MAK16: variants seen among roughly 807,000 people sequenced by gnomAD.
MAK16 encodes the protein MAK16 homolog, also known as protein MAK16 homolog.
MAK16 carries 12 observed loss-of-function variants against 49.9 expected under a neutral mutation model. The ratio of observed to expected loss-of-function variants is 0.24; its 90% confidence interval spans 0.15 to 0.39. The LOEUF (loss-of-function observed/expected upper bound fraction) is 0.39. MAK16 is among the 10% of genes least tolerant of loss of function. MAK16 has a pLI of 1.00. For missense variants in MAK16, 292 were observed against 363.7 expected (o/e 0.80, Z 1.60); for synonymous variants, 115 against 126.4 (o/e 0.91, Z 0.60).
chr8:33,488,812 C>G lies in MAK16; in HGVS notation c.240+14C>G. 6.2e-7 allele frequency: 1 copy of G among 1,613,890 alleles called. No individual in the cohort carries two copies. Among genetic ancestry groups the G allele is most frequent in the African/African-American group, 1.3e-5 (1 of 75,034 alleles). On this transcript the variant is annotated intron_variant, in intron 4 of 9. Transcript: ENST00000360128. ...CTCTGGGAACGGGTAAGCCTTACAACAAAACTACAGTGACCGCTGATCAAG... is the reference window on the plus strand; with the variant it reads ...CTCTGGGAACGGGTAAGCCTTACAAGAAAACTACAGTGACCGCTGATCAAG...
Position 33,485,232 on chromosome 8 carries a change from T to C in MAK16, c.15+11T>C, listed in dbSNP as rs1196391315. 1 of 1,614,226 alleles carries C rather than the reference T, an allele frequency of 6.2e-7. No homozygotes were observed. The highest frequency in any genetic ancestry group is 1.7e-5 in the Admixed American group (1 of 60,022). ...ATGCAGTCGGATGATGTGAGTCTCC[T>C]CCGGTTGTTCTTACACCCGGGGTTT... On this transcript the variant is annotated intron_variant, in intron 1 of 9. Coordinates refer to ENST00000360128, the MANE Select transcript of MAK16 (RefSeq NM_032509.4).
chr8:33,493,918 G>GTT (rs35536101), intron 6 of MAK16, among the ~76,000 whole-genome samples: 1 of 144,440 alleles, frequency 6.9e-6, no homozygotes, highest in Non-Finnish European at 1.5e-5. Context: ...CACAGAACAA[G>GTT]TTTTTTTTTT....
intron 9 of MAK16, among the ~76,000 whole-genome samples, 191 bp downstream of exon 9, chr8:33,497,488 A>G (rs1264267921): frequency 6.6e-6 from 1 of 151,384 alleles, no homozygotes; most frequent in Non-Finnish European, 1.5e-5. Flanking sequence ...CTCATCTCTA[A>G]TAAAAAAAAA....
chr8:33,490,200 C>A, intron 5 of MAK16, 85 bp from the exon 6 acceptor site: 2 of 1,143,438 alleles, frequency 1.7e-6, no homozygotes, highest in Non-Finnish European at 2.6e-6. Context: ...TTTTAGTCAC[C>A]AATTCCAATC....
At chr8:33,497,389 C>T (rs1000609111) in intron 9 of MAK16, 92 bp downstream of exon 9, 4 of 956,028 alleles carry the variant, frequency 4.2e-6, no homozygotes, top group Non-Finnish European at 6.4e-6. Context: ...CCGTGGTTCA[C>T]TCCTATAATT....
intron 7 of MAK16, among the ~76,000 whole-genome samples, chr8:33,495,933 C>A (rs1189872036): frequency 6.6e-6 from 1 of 151,638 alleles, no homozygotes; most frequent in African/African-American, 2.4e-5. Flanking sequence ...CCAGGCTGGT[C>A]TTGAACTCCT....
chr8:33,498,343 A>T, intron 9 of MAK16, 89 bp from the exon 10 acceptor site: 3 of 1,069,592 alleles, frequency 2.8e-6, no homozygotes, highest in Non-Finnish European at 4.1e-6. Flanking sequence ...TCAATGCCCT[A>T]GTCTGTTCTA....
At chr8:33,486,755 T>C (rs1228385042) in intron 1 of MAK16, among the ~76,000 whole-genome samples, 4 of 152,222 alleles carry the variant, frequency 2.6e-5, no homozygotes, top group African/African-American at 9.6e-5. Flanking sequence ...TTTTATTTAT[T>C]GAAGTGGGGG....
chr8:33,498,362 G>A, intron 9 of MAK16, 70 bp from the exon 10 acceptor site: 4 of 1,355,146 alleles, frequency 3.0e-6, no homozygotes, highest in African/African-American at 1.4e-5. Context: ...TAGATTGAGG[G>A]GACAAGGAAG....
intron 6 of MAK16, among the ~76,000 whole-genome samples, chr8:33,494,549 C>G (rs2676406): frequency 0.64 from 96,809 of 152,122 alleles, 31,115 homozygotes; most frequent in African/African-American, 0.68. Flanking sequence ...CAAGCCCTAT[C>G]TGCCGTATTC....
intron 6 of MAK16, among the ~76,000 whole-genome samples, chr8:33,494,013 T>C (rs2128824346): frequency 6.6e-6 from 1 of 152,340 alleles, no homozygotes; most frequent in South Asian, 2.1e-4. Flanking sequence ...TTTTTAAAAA[T>C]GTCTACTGGG....
At chr8:33,490,147 C>T (rs1308568521) in intron 5 of MAK16, 138 bp from the exon 6 acceptor site, 3 of 647,070 alleles carry the variant, frequency 4.6e-6, no homozygotes, top group Non-Finnish European at 7.9e-6. Context: ...TCCGTGAATG[C>T]CTGAAGCTCA....
At chr8:33,495,010 T>C (rs1322171957) in intron 6 of MAK16, among the ~76,000 whole-genome samples, 1 of 152,232 alleles carries the variant, frequency 6.6e-6, no homozygotes, top group African/African-American at 2.4e-5. Flanking sequence ...TATAACACTT[T>C]AAAACCCTCT....
Position 33,499,041 on chromosome 8 carries a change from AAAGG to A in MAK16, c.*423_*426del. ...TCCCTATTCTTATGGAGGTAAAAGG[AAAGG>A]AAGGAAGGAAAAAGCAGCTTTCACT... On this transcript the variant is annotated 3_prime_UTR_variant, in exon 10 of 10. Transcript: ENST00000360128. 1.4e-6 allele frequency: 1 copy of A among 704,522 alleles called. No individual in the cohort carries two copies. The highest frequency in any genetic ancestry group is 2.4e-6 in the Non-Finnish European group (1 of 421,262). 43.6% of individuals were successfully genotyped at this position (704,522 alleles called of 1,614,324 possible).
rs940994459 is a variant in MAK16 at position 33,495,423 on chromosome 8, C to T, written c.448-119C>T. The T allele has an allele frequency of 5.0e-6, 4 of 804,862 alleles. No homozygotes were observed. The Admixed American group carries it at 8.7e-5, about 18-fold the overall frequency. The allele number at this position is 804,862 out of a possible 1,614,324, so 49.9% of individuals were successfully genotyped here. On this transcript the variant is annotated intron_variant, in intron 6 of 9. Transcript: ENST00000360128. ...TTGGAAAGGCAAAAGCCAGTATTAG[C>T]AAGGAGGGGAAATAATTACATTGTC...
intron 6 of MAK16, 22 bp from the exon 7 acceptor site, chr8:33,495,520 A>G (rs1808842778): frequency 6.2e-7 from 1 of 1,602,694 alleles, no homozygotes; most frequent in African/African-American, 1.3e-5. Flanking sequence ...AATTAAACAG[A>G]TTTGCTCTTT....
In MAK16 at chr8:33,489,289, G is replaced by A. The variant is rs1808740845; in HGVS notation, c.392+150G>A. On this transcript the variant is annotated intron_variant, in intron 5 of 9. Transcript: ENST00000360128. The surrounding 1 kb of genome is among the most constrained non-coding windows in gnomAD (Gnocchi z 4.2). ...AGAGAAACTTTAGCTTTGACTAAAGGTGTGCCCTTTGATATGGCAGGACTT... is the reference window on the plus strand; with the variant it reads ...AGAGAAACTTTAGCTTTGACTAAAGATGTGCCCTTTGATATGGCAGGACTT... The A allele has an allele frequency of 3.1e-6, 2 of 653,360 alleles. No homozygotes were observed. Among genetic ancestry groups the A allele is most frequent in the Non-Finnish European group, 2.6e-6 (1 of 388,922 alleles). 40.5% of individuals were successfully genotyped at this position (653,360 alleles called of 1,614,324 possible).
In MAK16 at chr8:33,499,096, T is replaced by C; in HGVS notation, c.*467T>C. 8.0e-7 allele frequency: 1 copy of C among 1,257,336 alleles called. No homozygotes were observed. 77.9% of individuals were successfully genotyped at this position (1,257,336 alleles called of 1,614,324 possible). ...TACAAAGTTTCGTGTAAAAATATCT[T>C]TTTTTCTTAAATAACTCCATTCATA... On this transcript the variant is annotated 3_prime_UTR_variant, in exon 10 of 10. Coordinates refer to ENST00000360128, the MANE Select transcript of MAK16 (RefSeq NM_032509.4).
intron 6 of MAK16, among the ~76,000 whole-genome samples, chr8:33,490,626 A>T (rs1808762869): frequency 6.6e-6 from 1 of 152,170 alleles, no homozygotes; most frequent in Non-Finnish European, 1.5e-5. Context: ...CAGAATTTTG[A>T]TGTTGCATAT....
Sources: gnomAD v4.1 joint callset for allele counts (sites outside exome capture counted in the v4.1 genomes callset) on GRCh38, gnomAD v4.1.1 for gene constraint, Gnocchi (gnomAD v3.1) non-coding constraint, MANE v1.5 for transcripts, NCBI Gene and HGNC (gene_info 2026-07-23, HGNC 2026-07-21) for gene names.